Variants in TSPAN11 observed in about 807,000 individuals in gnomAD.
TSPAN11 encodes the protein tetraspanin-11.
A neutral mutation model predicts 32.9 loss-of-function variants in TSPAN11; 29 were observed. That is an observed-to-expected ratio of 0.88 (90% confidence interval 0.66 to 1.20). TSPAN11 has a LOEUF of 1.20. Ranked by LOEUF, TSPAN11 falls within the 50% of genes most tolerant of loss-of-function variation. The pLI, the probability that TSPAN11 is intolerant of heterozygous loss-of-function variation, is 0.00. For synonymous variants in TSPAN11, 140 were observed against 141.3 expected, an observed-to-expected ratio of 0.99 and a Z score of 0.07; for missense variants, 283 against 329.1, an observed-to-expected ratio of 0.86 and a Z score of 1.08.
At chr12:30,961,667 G>A (rs1938616218) in intron 2 of TSPAN11, among the ~76,000 whole-genome samples, 1 of 151,990 alleles carries the variant, frequency 6.6e-6, no homozygotes, top group Admixed American at 6.5e-5. Flanking sequence ...TTAGATCCTG[G>A]GGAAAAGTAA....
the TSPAN11 span, among the ~76,000 whole-genome samples, chr12:31,004,456 T>C: frequency 2.6e-5 from 4 of 152,112 alleles, no homozygotes; most frequent in African/African-American, 4.8e-5. Flanking sequence ...ATAGAGATCA[T>C]AGGACCAAAC....
intron 1 of TSPAN11, among the ~76,000 whole-genome samples, chr12:30,928,199 G>C (rs887545155): frequency 6.6e-5 from 10 of 152,186 alleles, no homozygotes; most frequent in African/African-American, 2.4e-4. Flanking sequence ...AACTGGCGTT[G>C]ATGTCTTTAA....
intron 3 of TSPAN11, among the ~76,000 whole-genome samples, chr12:30,964,249 A>T (rs1284113129): frequency 6.6e-6 from 1 of 150,638 alleles, no homozygotes; most frequent in Non-Finnish European, 1.5e-5. Context: ...CCGTATCTCC[A>T]TCTCTGTCTC....
chr12:30,940,894 G>A (rs143610740), intron 1 of TSPAN11, among the ~76,000 whole-genome samples: 88 of 152,278 alleles, frequency 5.8e-4, no homozygotes, highest in African/African-American at 2.0e-3. Flanking sequence ...ATAGGAGCAC[G>A]AACCCTATTA....
chr12:30,990,611 G>C (rs543362595), intron 7 of TSPAN11, among the ~76,000 whole-genome samples: 5 of 152,324 alleles, frequency 3.3e-5, no homozygotes, highest in African/African-American at 1.2e-4. Context: ...CAGGTTGGGA[G>C]GGATGGAGAG....
chr12:30,978,540 G>A lies in TSPAN11; in HGVS notation c.277-21G>A, dbSNP rs367692595. 3.8e-5 allele frequency: 61 copies of A among 1,613,202 alleles called. No homozygotes were observed. The Middle Eastern group carries it at 4.9e-4, about 13-fold the overall frequency. ...CAGCAACCCGATCCCAGTGGTGACC[G>A]TCCTCTCTCTTTGCTGCTAGTATTT... On this transcript the variant is annotated intron_variant, in intron 3 of 7. Coordinates refer to ENST00000546076, the MANE Select transcript of TSPAN11 (RefSeq NM_001370302.1).
intron 1 of TSPAN11, among the ~76,000 whole-genome samples, chr12:30,943,123 G>A: frequency 6.6e-6 from 1 of 152,186 alleles, no homozygotes; most frequent in East Asian, 1.9e-4. Context: ...GCTGACTCAG[G>A]TTCCCTTAAG....
intron 1 of TSPAN11, among the ~76,000 whole-genome samples, chr12:30,931,645 C>T (rs891001657): frequency 6.6e-6 from 1 of 151,864 alleles, no homozygotes; most frequent in African/African-American, 2.4e-5. Flanking sequence ...TTTGGGAGGT[C>T]GAGGCAGGCA....
chr12:30,977,406 C>T lies in TSPAN11; in HGVS notation c.277-1155C>T, dbSNP rs577468045. ...GGCCTTCCCTAGAATCCAGCCATCCCAGTGACCACGGGTAGCTGCCCTGCT... is the reference window on the plus strand; with the variant it reads ...GGCCTTCCCTAGAATCCAGCCATCCTAGTGACCACGGGTAGCTGCCCTGCT... On this transcript the variant is annotated intron_variant, in intron 3 of 7. Coordinates refer to ENST00000546076, the MANE Select transcript of TSPAN11 (RefSeq NM_001370302.1). Among the ~76,000 whole-genome samples the T allele has an allele frequency of 5.3e-5, 8 of 152,340 alleles. No individual in the cohort carries two copies. The East Asian group carries it at 1.6e-3, about 30-fold the overall frequency.
At chr12:30,969,039 A>T (rs1221632990) in intron 3 of TSPAN11, among the ~76,000 whole-genome samples, 1 of 152,196 alleles carries the variant, frequency 6.6e-6, no homozygotes, top group Non-Finnish European at 1.5e-5. Context: ...TCACCACATT[A>T]TAAAAAGATG....
In TSPAN11 at chr12:30,992,695, T is replaced by C. The variant is rs1017700638; in HGVS notation, c.*780T>C. On this transcript the variant is annotated 3_prime_UTR_variant, in exon 8 of 8. Transcript: ENST00000546076. The stretch of plus-strand genomic sequence containing the variant: ...GATACGCCCCTCGGGAATCTCCTGT[T>C]CCGGGGCCTGATTCTCAGGAACACC... 1.3e-5 allele frequency: 2 copies of C among 152,328 alleles called. No homozygotes were observed. The highest frequency in any genetic ancestry group is 4.8e-5 in the African/African-American group (2 of 41,448). 9.4% of individuals were successfully genotyped at this position (152,328 alleles called of 1,614,324 possible). A position where few individuals can be genotyped will look rare whatever the true frequency, so the allele number is the denominator to read the frequency against.
intron 3 of TSPAN11, among the ~76,000 whole-genome samples, chr12:30,971,683 G>A (rs1053566910): frequency 2.0e-5 from 3 of 151,978 alleles, no homozygotes; most frequent in Middle Eastern, 3.2e-3. Context: ...CCAGGAGTTC[G>A]AGGCTGCAGT....
At chr12:30,980,745 G>A (rs999265221) in intron 5 of TSPAN11, among the ~76,000 whole-genome samples, 2 of 152,052 alleles carry the variant, frequency 1.3e-5, no homozygotes, top group Non-Finnish European at 2.9e-5. Context: ...ATAGTGGCCC[G>A]GGACACGCAT....
chr12:31,004,392 G>A, the TSPAN11 span, among the ~76,000 whole-genome samples: 1 of 152,148 alleles, frequency 6.6e-6, no homozygotes. Flanking sequence ...TGAGATCACA[G>A]AGGATGTGAT....
At chr12:31,001,141 C>T (rs1939474231), downstream of TSPAN11, among the ~76,000 whole-genome samples, 1 of 152,192 alleles carries the variant, frequency 6.6e-6, no homozygotes, top group African/African-American at 2.4e-5. Context: ...GGGCTGAAAA[C>T]CTCTCCATGG....
At chr12:30,953,883 A>G in intron 1 of TSPAN11, 98 bp from the exon 2 acceptor site, 1 of 795,116 alleles carries the variant, frequency 1.3e-6, no homozygotes. Context: ...TAGGTTAATG[A>G]GCCCTTTGAA....
chr12:30,977,156 C>T (rs1255627780), intron 3 of TSPAN11, among the ~76,000 whole-genome samples: 1 of 152,206 alleles, frequency 6.6e-6, no homozygotes, highest in African/African-American at 2.4e-5. Flanking sequence ...AGAAATGGCC[C>T]CTCTCCCGTA....
chr12:31,002,523 G>A, the TSPAN11 span, among the ~76,000 whole-genome samples: 5 of 152,150 alleles, frequency 3.3e-5, no homozygotes, highest in South Asian at 6.2e-4. The surrounding 1 kb of genome is among the most constrained non-coding windows in gnomAD (Gnocchi z 4.8). Flanking sequence ...TTCTACTGCA[G>A]TAGGGCAGTG....
intron 2 of TSPAN11, among the ~76,000 whole-genome samples, chr12:30,957,936 G>A (rs994611921): frequency 8.8e-5 from 13 of 147,926 alleles, no homozygotes; most frequent in Admixed American, 2.1e-4. Context: ...TAAGATGAAC[G>A]AAGTTTAATC....
Sources: gnomAD v4.1 joint callset for allele counts (sites outside exome capture counted in the v4.1 genomes callset) on GRCh38, gnomAD v4.1.1 for gene constraint, Gnocchi (gnomAD v3.1) non-coding constraint, MANE v1.5 for transcripts, NCBI Gene and HGNC (gene_info 2026-07-23, HGNC 2026-07-21) for gene names.